Variants in ESRRG observed in about 807,000 individuals in gnomAD.
The protein encoded by ESRRG is estrogen related receptor gamma.
ESRRG carries 13 observed loss-of-function variants against 44.0 expected under a neutral mutation model. The observed-to-expected ratio is 0.30, with a 90% confidence interval of 0.19 to 0.47. The LOEUF (loss-of-function observed/expected upper bound fraction) is 0.47. ESRRG is among the 20% of genes least tolerant of loss of function. ESRRG has a pLI of 1.00. For missense variants in ESRRG, 395 were observed against 580.6 expected (o/e 0.68, Z 3.29); for synonymous variants, 215 against 214.6 (o/e 1.00, Z -0.02).
At chr1:217,001,076 C>T (rs946621641) in intron 1 of ESRRG, among the ~76,000 whole-genome samples, 5 of 152,224 alleles carry the variant, frequency 3.3e-5, no homozygotes, top group Non-Finnish European at 5.9e-5. Flanking sequence ...TTAATACTCC[C>T]AAGCTGCTTT....
intron 2 of ESRRG, among the ~76,000 whole-genome samples, chr1:216,826,285 T>C (rs567003452): frequency 3.4e-4 from 51 of 151,750 alleles, no homozygotes; most frequent in Non-Finnish European, 5.7e-4. Context: ...CAATCTAATA[T>C]AATATATTTA....
chr1:216,861,536 C>A (rs912172604), intron 2 of ESRRG, among the ~76,000 whole-genome samples: 2 of 151,872 alleles, frequency 1.3e-5, no homozygotes, highest in Non-Finnish European at 2.9e-5. Flanking sequence ...AAAATTTTAA[C>A]AGTAGAGATT....
At chr1:216,962,226 T>A (rs1001930721) in intron 1 of ESRRG, among the ~76,000 whole-genome samples, 1 of 152,190 alleles carries the variant, frequency 6.6e-6, no homozygotes, top group Non-Finnish European at 1.5e-5. Context: ...TTACTACAGA[T>A]GGCTGGCAAG....
At chr1:216,896,138 C>T (rs987987714) in intron 2 of ESRRG, among the ~76,000 whole-genome samples, 1 of 152,086 alleles carries the variant, frequency 6.6e-6, no homozygotes, top group African/African-American at 2.4e-5. Flanking sequence ...CAAACCTTTA[C>T]TCATATCTGG....
rs999487248 is a variant in ESRRG at position 216,841,858 on chromosome 1, CAAG to C, written c.-14+97721_-14+97723del. Reference sequence around the variant, plus strand: ...TTTTTACATTAAAAGAAAGAAAAAACAAGAAGAAAATATCTGGGTTTAGAATGG... The same window carrying C: ...TTTTTACATTAAAAGAAAGAAAAAACAAGAAAATATCTGGGTTTAGAATGG... On this transcript the variant is annotated intron_variant, in intron 2 of 7. Coordinates refer to the ESRRG transcript ENST00000359162. 2.0e-5 allele frequency among the ~76,000 whole-genome samples: 3 copies of C among 151,768 alleles called. No individual in the cohort carries two copies. The South Asian group carries it at 6.2e-4, about 32-fold the overall frequency.
intron 1 of ESRRG, among the ~76,000 whole-genome samples, chr1:216,678,539 A>G (rs1328738093): frequency 2.6e-5 from 4 of 152,204 alleles, no homozygotes; most frequent in Non-Finnish European, 2.9e-5. Context: ...CTAATCTGAC[A>G]CACTGTTTCT....
intron 1 of ESRRG, among the ~76,000 whole-genome samples, chr1:217,051,963 G>T (rs1365193895): frequency 6.6e-6 from 1 of 151,036 alleles, no homozygotes; most frequent in Non-Finnish European, 1.5e-5. Flanking sequence ...TAGAGACAGG[G>T]TCTTGCTATG....
intron 1 of ESRRG, among the ~76,000 whole-genome samples, chr1:217,003,257 G>C (rs1202761907): frequency 1.3e-5 from 2 of 151,970 alleles, no homozygotes; most frequent in Non-Finnish European, 2.9e-5. Context: ...AGAAAAAAGT[G>C]GATATGAATA....
intron 2 of ESRRG, among the ~76,000 whole-genome samples, chr1:216,845,156 G>A (rs2095721833): frequency 6.6e-6 from 1 of 152,056 alleles, no homozygotes; most frequent in Non-Finnish European, 1.5e-5. Flanking sequence ...TATGTTTAAT[G>A]TCTATTTCTT....
rs1457958231 is a variant in ESRRG at position 216,764,755 on chromosome 1, C to T, written c.-13-87264G>A. Among the ~76,000 whole-genome samples, 3 of 152,232 alleles carry T rather than the reference C, an allele frequency of 2.0e-5. No individual in the cohort carries two copies. The East Asian group carries it at 5.8e-4, about 29-fold the overall frequency. On this transcript the variant is annotated intron_variant, in intron 2 of 7. Transcript: ENST00000359162. ...AAGAGATCCAACAGCGAACAGATGGCTCATTTAACCTCTGATCATTCCAGG... is the reference window on the plus strand; with the variant it reads ...AAGAGATCCAACAGCGAACAGATGGTTCATTTAACCTCTGATCATTCCAGG...
chr1:217,012,600 A>G (rs1227238160), intron 1 of ESRRG, among the ~76,000 whole-genome samples: 1 of 152,216 alleles, frequency 6.6e-6, no homozygotes, highest in Non-Finnish European at 1.5e-5. Flanking sequence ...TAAGGAAATT[A>G]CAGAGTACAA....
At chr1:217,077,448 T>C (rs1157725302) in intron 1 of ESRRG, among the ~76,000 whole-genome samples, 4 of 152,146 alleles carry the variant, frequency 2.6e-5, no homozygotes, top group African/African-American at 9.7e-5. Flanking sequence ...CCATTCACAT[T>C]GTGCACCTAA....
At chr1:216,729,455 T>C (rs1223817382) in intron 2 of ESRRG, among the ~76,000 whole-genome samples, 2 of 152,180 alleles carry the variant, frequency 1.3e-5, no homozygotes, top group Non-Finnish European at 2.9e-5. Context: ...TCATTTGGCC[T>C]CCATCTCTGA....
At chr1:217,015,367 C>T (rs2079187218) in intron 1 of ESRRG, among the ~76,000 whole-genome samples, 1 of 152,186 alleles carries the variant, frequency 6.6e-6, no homozygotes, top group Non-Finnish European at 1.5e-5. Context: ...AATAATGTTT[C>T]AGATGTACAC....
intron 1 of ESRRG, among the ~76,000 whole-genome samples, chr1:217,014,970 G>C (rs995279087): frequency 6.6e-6 from 1 of 152,028 alleles, no homozygotes; most frequent in African/African-American, 2.4e-5. Flanking sequence ...ATTGAATTCT[G>C]AATACATTCC....
intron 3 of ESRRG, among the ~76,000 whole-genome samples, chr1:216,619,231 G>T (rs2061844126): frequency 6.6e-6 from 1 of 152,130 alleles, no homozygotes; most frequent in Admixed American, 6.6e-5. Context: ...ATGCTCACAT[G>T]TGTGGAAGAG....
chr1:216,714,833 A>G (rs1361562416), intron 1 of ESRRG, among the ~76,000 whole-genome samples: 1 of 152,176 alleles, frequency 6.6e-6, no homozygotes, highest in Non-Finnish European at 1.5e-5. Flanking sequence ...CATGGCTCAT[A>G]CGAATTGAAA....
At chr1:216,943,991 T>C (rs2065682802) in intron 1 of ESRRG, among the ~76,000 whole-genome samples, 1 of 152,172 alleles carries the variant, frequency 6.6e-6, no homozygotes. Flanking sequence ...TAAAATGTCA[T>C]GATATAATCT....
chr1:216,900,227 G>A lies in ESRRG; in HGVS notation c.-14+39355C>T, dbSNP rs138927894. Reference sequence around the variant, plus strand: ...CAGACTTTCATGGTCAGGAGCTACAGAGAAGAGTCAAAGAAGATGAGTTAT... The same window carrying A: ...CAGACTTTCATGGTCAGGAGCTACAAAGAAGAGTCAAAGAAGATGAGTTAT... On this transcript the variant is annotated intron_variant, in intron 2 of 7. Transcript: ENST00000359162. 2.5e-3 allele frequency among the ~76,000 whole-genome samples: 387 copies of A among 152,328 alleles called. 2 individuals are homozygous for A. Among genetic ancestry groups the A allele is most frequent in the African/African-American group, 8.9e-3 (372 of 41,582 alleles).
Sources: gnomAD v4.1 joint callset for allele counts (sites outside exome capture counted in the v4.1 genomes callset) on GRCh38, gnomAD v4.1.1 for gene constraint, MANE v1.5 for transcripts, NCBI Gene and HGNC (gene_info 2026-07-23, HGNC 2026-07-21) for gene names.